The following NRXN3 variants were observed in gnomAD, a reference collection of about 807,000 sequenced individuals.
NRXN3 encodes the protein neurexin 3.
In NRXN3, 32 loss-of-function variants were observed where a neutral mutation model predicts 137.6. The ratio of observed to expected loss-of-function variants is 0.23; its 90% CI spans 0.18 to 0.31. NRXN3 has a LOEUF of 0.31. NRXN3 is among the 10% of genes least tolerant of loss of function. The pLI is 1.00. For missense variants in NRXN3, 1,574 were observed against 2,062.5 expected, an observed-to-expected ratio of 0.76 and a Z score of 4.59; for synonymous variants, 798 against 784.5, an observed-to-expected ratio of 1.02 and a Z score of -0.29.
At chr14:78,644,231 A>G (rs1192131742) in intron 4 of NRXN3, among the ~76,000 whole-genome samples, 1 of 152,138 alleles carries the variant, frequency 6.6e-6, no homozygotes, top group Admixed American at 6.5e-5. Flanking sequence ...AAACAGGCTT[A>G]AGGCTTTTTG....
chr14:79,791,806 A>C (rs948742633), intron 19 of NRXN3, among the ~76,000 whole-genome samples: 3 of 152,168 alleles, frequency 2.0e-5, no homozygotes, highest in Non-Finnish European at 4.4e-5. Context: ...TTCCTTGTTT[A>C]GCTCTTTGTC....
At chr14:79,285,730 CA>C (rs2082124217) in intron 15 of NRXN3, among the ~76,000 whole-genome samples, 1 of 152,214 alleles carries the variant, frequency 6.6e-6, no homozygotes, top group African/African-American at 2.4e-5. Flanking sequence ...TTAACTTAAT[CA>C]TCTCTTTAAA....
At chr14:78,426,454 A>G (rs1054112913) in intron 4 of NRXN3, among the ~76,000 whole-genome samples, 26 of 152,212 alleles carry the variant, frequency 1.7e-4, no homozygotes, top group African/African-American at 6.0e-4. Context: ...GGGCCCCTAT[A>G]ACAAAAGATG....
chr14:78,704,832 C>A (rs1007866363), intron 6 of NRXN3, among the ~76,000 whole-genome samples: 1 of 152,252 alleles, frequency 6.6e-6, no homozygotes, highest in African/African-American at 2.4e-5. Context: ...TTGCAAAGTA[C>A]CTGGCACATG....
At chr14:78,196,854 C>T (rs901663693) in intron 1 of NRXN3, among the ~76,000 whole-genome samples, 5 of 152,160 alleles carry the variant, frequency 3.3e-5, no homozygotes, top group South Asian at 2.1e-4. Context: ...TGGAAGCCTG[C>T]GATCAAGACA....
intron 4 of NRXN3, among the ~76,000 whole-genome samples, chr14:78,640,484 A>C (rs1396035653): frequency 6.6e-6 from 1 of 152,172 alleles, no homozygotes; most frequent in East Asian, 1.9e-4. Context: ...CACACTTCTT[A>C]GATTGCATAG....
intron 15 of NRXN3, among the ~76,000 whole-genome samples, chr14:79,219,849 A>G (rs1225792565): frequency 1.3e-5 from 2 of 152,222 alleles, no homozygotes; most frequent in Non-Finnish European, 2.9e-5. Flanking sequence ...ATAGAGGCAG[A>G]GTTGTTTTCC....
intron 15 of NRXN3, chr14:79,280,375 T>C (rs1191603412): frequency 1.2e-6 from 2 of 1,614,030 alleles, no homozygotes; most frequent in African/African-American, 2.7e-5. Flanking sequence ...TCTGGGGATG[T>C]ATCGTCAGCT....
intron 15 of NRXN3, among the ~76,000 whole-genome samples, chr14:79,113,225 T>G (rs116834173): frequency 0.018 from 2,684 of 152,244 alleles, 64 homozygotes; most frequent in African/African-American, 0.05. Context: ...TGAGAATCAT[T>G]GTACTAGACC....
chr14:78,226,150 C>T (rs911936995), intron 1 of NRXN3, among the ~76,000 whole-genome samples: 6 of 152,026 alleles, frequency 3.9e-5, no homozygotes, highest in East Asian at 3.9e-4. Flanking sequence ...ATTACAGGCG[C>T]GTGCCACCAC....
chr14:79,254,039 C>T (rs1300657920), intron 15 of NRXN3, among the ~76,000 whole-genome samples: 1 of 152,192 alleles, frequency 6.6e-6, no homozygotes, highest in Admixed American at 6.5e-5. Context: ...GGATCCATCT[C>T]TCATTATTTC....
chr14:78,189,168 T>A (rs761877610), intron 1 of NRXN3, among the ~76,000 whole-genome samples: 3 of 152,102 alleles, frequency 2.0e-5, no homozygotes, highest in Non-Finnish European at 4.4e-5. Context: ...GCCTTAAAAA[T>A]GGACCTGGAA....
At chr14:79,711,905 C>T (rs1255427279) in intron 19 of NRXN3, among the ~76,000 whole-genome samples, 1 of 152,158 alleles carries the variant, frequency 6.6e-6, no homozygotes, top group Admixed American at 6.5e-5. Context: ...GACTGGATAA[C>T]TGGGAAGGGC....
chr14:79,365,504 G>C (rs1288046968), intron 15 of NRXN3, among the ~76,000 whole-genome samples: 2 of 151,344 alleles, frequency 1.3e-5, no homozygotes, highest in South Asian at 4.2e-4. Flanking sequence ...TGGATCATGA[G>C]GTCAGGAGAT....
intron 15 of NRXN3, among the ~76,000 whole-genome samples, chr14:79,391,256 G>A (rs905227751): frequency 4.6e-5 from 7 of 152,226 alleles, no homozygotes; most frequent in Middle Eastern, 3.4e-3. Context: ...TCTATCAGAT[G>A]TATCCTGTGG....
intron 4 of NRXN3, among the ~76,000 whole-genome samples, chr14:78,350,317 G>T (rs975340608): frequency 2.0e-5 from 3 of 151,996 alleles, no homozygotes; most frequent in African/African-American, 4.8e-5. Flanking sequence ...GTTAGAAAAG[G>T]GTTCTCTGGG....
Position 79,861,055 on chromosome 14 carries a change from C to T in NRXN3, c.4094-287C>T. 1.4e-6 allele frequency: 2 copies of T among 1,409,840 alleles called. No individual in the cohort carries two copies. The highest frequency in any genetic ancestry group is 1.6e-5 in the South Asian group (1 of 60,936). The allele number at this position is 1,409,840 out of a possible 1,614,324, so 87.3% of individuals were successfully genotyped here. Reference sequence around the variant, plus strand: ...CCATCCCAGGAGGTGAATTAGTTATCCCTCTTCTTGTAGAAGACCCTTTAG... The same window carrying T: ...CCATCCCAGGAGGTGAATTAGTTATTCCTCTTCTTGTAGAAGACCCTTTAG... On this transcript the variant is annotated intron_variant, in intron 20 of 20. Coordinates refer to ENST00000335750, the MANE Select transcript of NRXN3 (RefSeq NM_001330195.2). This position sits in a 1 kb window ranked among gnomAD's most constrained non-coding sequence, Gnocchi z 5.4.
intron 15 of NRXN3, among the ~76,000 whole-genome samples, chr14:79,379,529 T>G (rs2094404444): frequency 6.6e-6 from 1 of 152,130 alleles, no homozygotes; most frequent in African/African-American, 2.4e-5. Flanking sequence ...GTGGACACTC[T>G]CGCTTGTATC....
chr14:79,037,524 A>G (rs571569523), intron 15 of NRXN3, among the ~76,000 whole-genome samples: 1 of 152,128 alleles, frequency 6.6e-6, no homozygotes, highest in Non-Finnish European at 1.5e-5. Context: ...GCAAGGATGG[A>G]GGTTGTCCTG....
Sources: allele counts gnomAD v4.1 joint callset (sites outside exome capture counted in the v4.1 genomes callset), GRCh38; gene constraint gnomAD v4.1.1; non-coding constraint Gnocchi (gnomAD v3.1); transcripts MANE v1.5; gene names NCBI Gene and HGNC (gene_info 2026-07-23, HGNC 2026-07-21).